SFRP1: variants seen among roughly 807,000 people sequenced by gnomAD.
SFRP1 encodes the protein secreted frizzled related protein 1, also known as secreted frizzled-related protein 1.
Under a neutral mutation model 25.9 loss-of-function variants are expected in SFRP1, and 9 were observed. That is an observed-to-expected ratio of 0.35 (90% confidence interval 0.21 to 0.61). The LOEUF (loss-of-function observed/expected upper bound fraction) is 0.61. Ranked by LOEUF, SFRP1 falls within the 20% of genes least tolerant of loss-of-function variation. SFRP1 has a pLI of 0.78. For synonymous variants in SFRP1, 178 were observed against 174.0 expected, an observed-to-expected ratio of 1.02 and a Z score of -0.18; for missense variants, 346 against 418.2, an observed-to-expected ratio of 0.83 and a Z score of 1.51.
At position 41,286,780 on chromosome 8, in the gene SFRP1, A is replaced by G. The variant is rs183546352; in HGVS notation, c.622+16681T>C. 2.8e-3 allele frequency among the ~76,000 whole-genome samples: 434 copies of G among 152,300 alleles called. 9 individuals are homozygous for G. The highest frequency in any genetic ancestry group is 0.027 in the Admixed American group (412 of 15,302). ...AGGATTCATACGCTGCTGGTGACCT[A>G]AAGAGATGGGGGCCCTAGCTGGCTC... On this transcript the variant is annotated intron_variant, in intron 2 of 2. Coordinates refer to ENST00000220772, the MANE Select transcript of SFRP1 (RefSeq NM_003012.5).
chr8:41,267,305 A>ACTC (rs1241870258), intron 2 of SFRP1, among the ~76,000 whole-genome samples: 2 of 152,070 alleles, frequency 1.3e-5, no homozygotes, highest in African/African-American at 4.8e-5. Flanking sequence ...TGTAGCAATG[A>ACTC]CTCCACAGGG....
In SFRP1 at chr8:41,280,646, ACTT is replaced by A. The variant is rs551830675; in HGVS notation, c.623-15160_623-15158del. Among the ~76,000 whole-genome samples, 318 of 152,254 alleles carry A rather than the reference ACTT, an allele frequency of 2.1e-3. 5 individuals are homozygous for A. In the South Asian group the frequency reaches 0.032, roughly 15 times the overall value. ...GACCCCAACTCTGCACGCCCTTTCT[ACTT>A]CTTCAGGAAGCCATTTCTTGAGAAG... On this transcript the variant is annotated intron_variant, in intron 2 of 2. Coordinates refer to ENST00000220772, the MANE Select transcript of SFRP1 (RefSeq NM_003012.5).
chr8:41,281,674 C>T (rs1803636264), intron 2 of SFRP1, among the ~76,000 whole-genome samples: 1 of 152,180 alleles, frequency 6.6e-6, no homozygotes, highest in Non-Finnish European at 1.5e-5. Flanking sequence ...TGAAGCCATC[C>T]CTCATATACT....
chr8:41,276,681 C>A (rs1803576034), intron 2 of SFRP1, among the ~76,000 whole-genome samples: 1 of 152,202 alleles, frequency 6.6e-6, no homozygotes. Context: ...AAGCAGATTT[C>A]TTTTTCTCTC....
Position 41,262,312 on chromosome 8 carries a change from C to T in SFRP1, c.*2855G>A, listed in dbSNP as rs961538945. On this transcript the variant is annotated 3_prime_UTR_variant, in exon 3 of 3. Transcript: ENST00000220772. Reference sequence around the variant, plus strand: ...GCTCTCCTCAAACAGATCACCTGAGCCTCCTGCATCTATGAAGTTATGACA... The same window carrying T: ...GCTCTCCTCAAACAGATCACCTGAGTCTCCTGCATCTATGAAGTTATGACA... 4 of 152,244 alleles carry T rather than the reference C, an allele frequency of 2.6e-5. No individual in the cohort carries two copies. Among genetic ancestry groups the T allele is most frequent in the African/African-American group, 9.6e-5 (4 of 41,542 alleles). 9.4% of individuals were successfully genotyped at this position (152,244 alleles called of 1,614,324 possible).
chr8:41,274,812 A>G (rs1585507317), intron 2 of SFRP1, among the ~76,000 whole-genome samples: 2 of 152,220 alleles, frequency 1.3e-5, no homozygotes, highest in East Asian at 3.8e-4. Context: ...TAAAAAACTT[A>G]GTCTAATAAA....
chr8:41,304,624 C>G (rs1803970459), intron 1 of SFRP1, among the ~76,000 whole-genome samples: 1 of 152,116 alleles, frequency 6.6e-6, no homozygotes, highest in Non-Finnish European at 1.5e-5. Flanking sequence ...TGCTCTTCAT[C>G]CTCCTCCACC....
intron 2 of SFRP1, among the ~76,000 whole-genome samples, chr8:41,299,093 C>T (rs1803878253): frequency 6.7e-6 from 1 of 150,038 alleles, no homozygotes. Flanking sequence ...TCACCGCCTA[C>T]CCCCCCAACC....
rs562229159 is a variant in SFRP1, at chr8:41,263,334, T to C, written c.*1833A>G. ...ACTTAAGGTCCCCAGCACTTTACGA[T>C]GAAAGGTCAGAGAGAACCCCACAAA... On this transcript the variant is annotated 3_prime_UTR_variant, in exon 3 of 3. Transcript: ENST00000220772. 2 of 152,502 alleles carry C rather than the reference T, an allele frequency of 1.3e-5. No homozygotes were observed. The highest frequency in any genetic ancestry group is 2.9e-5 in the Non-Finnish European group (2 of 68,050). The allele number at this position is 152,502 out of a possible 1,614,324, so 9.4% of individuals were successfully genotyped here.
At chr8:41,298,869 G>A (rs919459149) in intron 2 of SFRP1, among the ~76,000 whole-genome samples, 2 of 152,156 alleles carry the variant, frequency 1.3e-5, no homozygotes, top group Non-Finnish European at 2.9e-5. Flanking sequence ...GTTCACATGA[G>A]CTGTGAACAG....
intron 1 of SFRP1, among the ~76,000 whole-genome samples, chr8:41,308,391 G>A (rs1804024747): frequency 6.6e-6 from 1 of 152,170 alleles, no homozygotes; most frequent in African/African-American, 2.4e-5. Flanking sequence ...TGCCGCTCCC[G>A]GGCCAGCCCC....
chr8:41,303,355 G>C, intron 2 of SFRP1, 106 bp downstream of exon 2: 1 of 818,214 alleles, frequency 1.2e-6, no homozygotes. Context: ...ATGAGGTAGA[G>C]AATATGGAAA....
chr8:41,306,664 G>A (rs935315680), intron 1 of SFRP1: 88 of 1,568,142 alleles, frequency 5.6e-5, no homozygotes, highest in Non-Finnish European at 7.2e-5. Flanking sequence ...ACTCCCGACC[G>A]GCCCTCTCCC....
chr8:41,273,226 A>C (rs1282924725), intron 2 of SFRP1, among the ~76,000 whole-genome samples: 1 of 152,204 alleles, frequency 6.6e-6, no homozygotes, highest in Non-Finnish European at 1.5e-5. Context: ...ACAGTGGCTC[A>C]CACCTGTAAT....
intron 2 of SFRP1, chr8:41,276,836 G>A: frequency 2.3e-6 from 1 of 426,566 alleles, no homozygotes; most frequent in East Asian, 7.4e-5. Flanking sequence ...CAGGAAGGTG[G>A]CCAGGCAGGA....
At chr8:41,303,564 G>C (rs1563367799) in intron 1 of SFRP1, 26 bp from the exon 2 acceptor site, 1 of 1,590,416 alleles carries the variant, frequency 6.3e-7, no homozygotes, top group Non-Finnish European at 8.6e-7. Context: ...GGGAGAAACG[G>C]AACTGTAAGT....
intron 2 of SFRP1, among the ~76,000 whole-genome samples, chr8:41,296,070 C>T (rs1803840383): frequency 6.6e-6 from 1 of 152,146 alleles, no homozygotes; most frequent in African/African-American, 2.4e-5. Flanking sequence ...CTCTTGCACA[C>T]ACTGACTATG....
At chr8:41,287,998 A>G (rs1185213706) in intron 2 of SFRP1, among the ~76,000 whole-genome samples, 1 of 152,110 alleles carries the variant, frequency 6.6e-6, no homozygotes, top group East Asian at 1.9e-4. Flanking sequence ...CAGGAGGATA[A>G]CTTGAGGCCA....
chr8:41,307,257 G>GAGC (rs1804009636), intron 1 of SFRP1, among the ~76,000 whole-genome samples: 1 of 152,238 alleles, frequency 6.6e-6, no homozygotes, highest in Admixed American at 6.5e-5. Flanking sequence ...TTGACTCTGA[G>GAGC]AGCAGCGGTG....
Sources: gnomAD v4.1 joint callset for allele counts (sites outside exome capture counted in the v4.1 genomes callset) on GRCh38, gnomAD v4.1.1 for gene constraint, MANE v1.5 for transcripts, NCBI Gene and HGNC (gene_info 2026-07-23, HGNC 2026-07-21) for gene names.